Variants in ZFHX3 observed in about 807,000 individuals in gnomAD.
ZFHX3 encodes zinc finger homeobox protein 3.
ZFHX3 carries 42 observed loss-of-function variants against 279.1 expected under a neutral mutation model. The observed-to-expected ratio is 0.15, with a 90% CI of 0.12 to 0.19. The LOEUF is 0.19. Among genes scored for constraint, ZFHX3 ranks in the 10% least tolerant of loss-of-function variants. The pLI, the probability that ZFHX3 is intolerant of heterozygous loss-of-function variation, is 1.00. For missense variants in ZFHX3, 4,981 were observed against 4,754.0 expected, an observed-to-expected ratio of 1.05 and a Z score of -1.40; for synonymous variants, 2,293 against 1,957.8, an observed-to-expected ratio of 1.17 and a Z score of -4.52.
chr16:72,923,039 A>T (rs760233305), intron 3 of ZFHX3, among the ~76,000 whole-genome samples: 18 of 152,236 alleles, frequency 1.2e-4, no homozygotes, highest in Non-Finnish European at 1.9e-4. Context: ...CCACACATAC[A>T]CACACATCAG....
At chr16:72,930,251 TA>T (rs1256304244) in intron 3 of ZFHX3, among the ~76,000 whole-genome samples, 1 of 151,840 alleles carries the variant, frequency 6.6e-6, no homozygotes, top group Non-Finnish European at 1.5e-5. Flanking sequence ...AATAAAATAA[TA>T]TACTTCATAC....
At position 73,254,930 on chromosome 16, in the gene ZFHX3, A is replaced by ACCAT. The variant is rs993927735; in HGVS notation, c.-1104+2113_-1104+2116dup. 3.3e-5 allele frequency among the ~76,000 whole-genome samples: 5 copies of ACCAT among 151,786 alleles called. No homozygotes were observed. The South Asian group carries it at 8.3e-4, about 25-fold the overall frequency. Reference sequence around the variant, plus strand: ...CATCCATCCATCCATCCACCCACCCACCATCCATCCATCCATCCACCCATC... The same window carrying ACCAT: ...CATCCATCCATCCATCCACCCACCCACCATCCATCCATCCATCCATCCACCCATC... On this transcript the variant is annotated intron_variant, in intron 5 of 17. Coordinates refer to the ZFHX3 transcript ENST00000641206.
At chr16:73,114,889 C>A (rs1263688995) in intron 7 of ZFHX3, among the ~76,000 whole-genome samples, 1 of 152,022 alleles carries the variant, frequency 6.6e-6, no homozygotes, top group East Asian at 1.9e-4. Context: ...TACTACTGGG[C>A]TCAAGAAATC....
chr16:73,666,920 C>T (rs561917506), intron 2 of ZFHX3, among the ~76,000 whole-genome samples: 2 of 152,092 alleles, frequency 1.3e-5, no homozygotes, highest in South Asian at 2.1e-4. Context: ...GATTCATCCA[C>T]GTTATTGAGT....
At chr16:72,961,102 G>A (rs1465884675) in intron 1 of ZFHX3, among the ~76,000 whole-genome samples, 1 of 152,188 alleles carries the variant, frequency 6.6e-6, no homozygotes, top group Non-Finnish European at 1.5e-5. Context: ...CTCTGGATCT[G>A]CCAACACCCC....
intron 3 of ZFHX3, among the ~76,000 whole-genome samples, chr16:72,939,854 T>C (rs2144339695): frequency 6.6e-6 from 1 of 152,264 alleles, no homozygotes; most frequent in South Asian, 2.1e-4. Context: ...CATGGCTCAC[T>C]GCAGCCTTGA....
intron 5 of ZFHX3, among the ~76,000 whole-genome samples, chr16:73,174,214 T>C (rs2144870671): frequency 6.6e-6 from 1 of 152,214 alleles, no homozygotes; most frequent in African/African-American, 2.4e-5. Flanking sequence ...CACTTGCTGA[T>C]GCCTTCTAAG....
At chr16:73,867,836 T>C (rs1371034906) in intron 1 of ZFHX3, among the ~76,000 whole-genome samples, 4 of 152,160 alleles carry the variant, frequency 2.6e-5, no homozygotes, top group Non-Finnish European at 5.9e-5. Flanking sequence ...TTCTGATACT[T>C]CCCAGAGGTG....
chr16:73,767,821 T>C (rs2053968184), intron 1 of ZFHX3, among the ~76,000 whole-genome samples: 2 of 152,176 alleles, frequency 1.3e-5, no homozygotes. Flanking sequence ...CTGATAGTAG[T>C]ACCCATTTGT....
intron 6 of ZFHX3, among the ~76,000 whole-genome samples, chr16:73,140,925 A>T (rs1408974870): frequency 6.6e-6 from 1 of 152,142 alleles, no homozygotes; most frequent in Non-Finnish European, 1.5e-5. Context: ...CCAAGGCATC[A>T]TTTGGAGGAT....
intron 4 of ZFHX3, among the ~76,000 whole-genome samples, chr16:73,281,911 G>T (rs1487253370): frequency 6.6e-6 from 1 of 152,048 alleles, no homozygotes; most frequent in Non-Finnish European, 1.5e-5. Context: ...GGCCTGTTTT[G>T]GGGCCAGACA....
intron 5 of ZFHX3, among the ~76,000 whole-genome samples, chr16:73,211,157 T>G (rs1423865715): frequency 6.6e-6 from 1 of 152,146 alleles, no homozygotes; most frequent in Non-Finnish European, 1.5e-5. Context: ...CCACAAATGG[T>G]TGGTTGATGA....
Position 73,487,100 on chromosome 16 carries a change from A to G in ZFHX3, c.-1546-30842T>C, listed in dbSNP as rs1597354871. Among the ~76,000 whole-genome samples, 5 of 152,346 alleles carry G rather than the reference A, an allele frequency of 3.3e-5. No homozygotes were observed. In the South Asian group the frequency reaches 1.0e-3, roughly 32 times the overall value. On this transcript the variant is annotated intron_variant, in intron 2 of 17. Coordinates refer to the ZFHX3 transcript ENST00000641206. ...TAGAAGAATAGTGTTCCTTATGCTG[A>G]AATAGCTTGCTATTTAGAAAAAGTG...
chr16:73,648,658 C>T (rs966234225), intron 2 of ZFHX3, among the ~76,000 whole-genome samples: 14 of 152,116 alleles, frequency 9.2e-5, no homozygotes, highest in African/African-American at 3.1e-4. Flanking sequence ...GTGATACACC[C>T]GCCTTGGCCT....
At chr16:73,281,505 C>A (rs1229547282) in intron 4 of ZFHX3, among the ~76,000 whole-genome samples, 2 of 152,184 alleles carry the variant, frequency 1.3e-5, no homozygotes, top group Non-Finnish European at 2.9e-5. Flanking sequence ...TACAGAGTTG[C>A]AGCCTAGTGC....
intron 3 of ZFHX3, among the ~76,000 whole-genome samples, chr16:73,408,239 T>C (rs1279946956): frequency 3.3e-5 from 5 of 152,018 alleles, no homozygotes; most frequent in East Asian, 1.9e-4. Context: ...GAAAAGTCTA[T>C]TGTTGTGTCC....
intron 4 of ZFHX3, among the ~76,000 whole-genome samples, chr16:73,307,530 GC>G (rs2015211178): frequency 6.6e-6 from 1 of 152,198 alleles, no homozygotes; most frequent in Non-Finnish European, 1.5e-5. Context: ...AAACAGTCAC[GC>G]CAGTAGCCAA....
At chr16:73,371,218 A>G (rs1207013727) in intron 3 of ZFHX3, among the ~76,000 whole-genome samples, 2 of 151,546 alleles carry the variant, frequency 1.3e-5, no homozygotes, top group Non-Finnish European at 2.9e-5. Context: ...GAGGCAGGAG[A>G]ATCACTTGAG....
At chr16:73,447,154 C>A (rs1597338973) in intron 3 of ZFHX3, among the ~76,000 whole-genome samples, 2 of 147,988 alleles carry the variant, frequency 1.4e-5, no homozygotes, top group Non-Finnish European at 1.5e-5. Flanking sequence ...GCACTCCAGC[C>A]TGGGCAACAG....
Sources: gnomAD v4.1 joint callset for allele counts (sites outside exome capture counted in the v4.1 genomes callset) on GRCh38, gnomAD v4.1.1 for gene constraint, MANE v1.5 for transcripts, NCBI Gene and HGNC (gene_info 2026-07-23, HGNC 2026-07-21) for gene names.